Variants in USH2A observed in about 807,000 individuals in gnomAD.
The protein encoded by USH2A is Usher syndrome 2A (autosomal recessive, mild).
Under a neutral mutation model 538.9 loss-of-function variants are expected in USH2A, and 443 were observed. The observed-to-expected ratio is 0.82, with a 90% CI of 0.76 to 0.89. The LOEUF is 0.89. Among genes scored for constraint, USH2A ranks in the 40% least tolerant of loss-of-function variants. The pLI is 0.00. For missense variants in USH2A, 6,633 were observed against 6,324.8 expected, an observed-to-expected ratio of 1.05 and a Z score of -1.65; for synonymous variants, 2,413 against 2,273.5, an observed-to-expected ratio of 1.06 and a Z score of -1.75.
At chr1:216,018,882 C>A (rs1049161636) in intron 32 of USH2A, among the ~76,000 whole-genome samples, 73 of 151,840 alleles carry the variant, frequency 4.8e-4, no homozygotes, top group Non-Finnish European at 8.7e-4. Flanking sequence ...TGACCCATAT[C>A]TAATAGTGTT....
intron 3 of USH2A, among the ~76,000 whole-genome samples, chr1:216,365,977 T>C (rs1365126994): frequency 1.3e-5 from 2 of 152,198 alleles, no homozygotes; most frequent in African/African-American, 2.4e-5. Flanking sequence ...GCCAATGCTA[T>C]CAAACTTTTA....
At chr1:216,116,985 G>A (rs2033023199) in intron 21 of USH2A, among the ~76,000 whole-genome samples, 1 of 152,070 alleles carries the variant, frequency 6.6e-6, no homozygotes, top group African/African-American at 2.4e-5. Context: ...GTGCTCCTGA[G>A]GGAAGCTGAT....
chr1:215,635,691 G>A (rs1656459575), intron 69 of USH2A, among the ~76,000 whole-genome samples: 1 of 151,910 alleles, frequency 6.6e-6, no homozygotes, highest in South Asian at 2.1e-4. Flanking sequence ...AAGTAGCTGG[G>A]ATTACAGGTG....
intron 61 of USH2A, among the ~76,000 whole-genome samples, chr1:215,705,345 A>G (rs1659155232): frequency 6.6e-6 from 1 of 152,280 alleles, no homozygotes; most frequent in East Asian, 1.9e-4. Flanking sequence ...ATGCCAAATC[A>G]TAGTATGATT....
At chr1:215,665,033 C>T (rs573000555) in intron 64 of USH2A, among the ~76,000 whole-genome samples, 4 of 152,146 alleles carry the variant, frequency 2.6e-5, no homozygotes, top group African/African-American at 9.7e-5. Context: ...AGATGTTGGC[C>T]TTTCTCCCTC....
At chr1:216,203,827 T>A in intron 16 of USH2A, among the ~76,000 whole-genome samples, 1 of 152,174 alleles carries the variant, frequency 6.6e-6, no homozygotes, top group South Asian at 2.1e-4. Context: ...ATAGAAGTCA[T>A]TGTTACATGT....
chr1:215,675,700 C>T, intron 62 of USH2A, 84 bp from the exon 63 acceptor site: 1 of 1,606,040 alleles, frequency 6.2e-7, no homozygotes, highest in Middle Eastern at 1.8e-4. Flanking sequence ...AACCTTCACC[C>T]CCTTGTTCCT....
At chr1:216,251,224 G>C (rs1451437638) in intron 11 of USH2A, 126 bp from the exon 12 acceptor site, 1 of 953,584 alleles carries the variant, frequency 1.0e-6, no homozygotes. Context: ...AAGGTAATAA[G>C]ATATTTTTCC....
At chr1:216,000,715 G>T (rs1425949483) in intron 32 of USH2A, among the ~76,000 whole-genome samples, 153 bp from the exon 33 acceptor site, 1 of 152,028 alleles carries the variant, frequency 6.6e-6, no homozygotes, top group Non-Finnish European at 1.5e-5. Context: ...ATAACATATA[G>T]GATGCTTCAT....
intron 32 of USH2A, among the ~76,000 whole-genome samples, 177 bp downstream of exon 32, chr1:216,046,254 T>A (rs1444462431): frequency 6.6e-6 from 1 of 152,176 alleles, no homozygotes; most frequent in African/African-American, 2.4e-5. Flanking sequence ...TGTTATACTA[T>A]GTTTTTAGAA....
At chr1:216,300,718 A>C (rs367694465) in intron 9 of USH2A, among the ~76,000 whole-genome samples, 1 of 149,972 alleles carries the variant, frequency 6.7e-6, no homozygotes, top group East Asian at 2.0e-4. Context: ...ATTTTTATCA[A>C]CTCCACTCCT....
At chr1:215,693,092 A>G (rs150003875) in intron 61 of USH2A, among the ~76,000 whole-genome samples, 27,487 of 131,236 alleles carry the variant, frequency 0.21, 3,041 homozygotes, top group Non-Finnish European at 0.24. Context: ...ATATATATAT[A>G]TGTGTGTGTG....
chr1:215,652,984 G>A (rs1007977440), intron 64 of USH2A, among the ~76,000 whole-genome samples: 1 of 152,170 alleles, frequency 6.6e-6, no homozygotes, highest in Admixed American at 6.5e-5. Context: ...AATAGGAGAT[G>A]GAAGTAGTGC....
intron 30 of USH2A, among the ~76,000 whole-genome samples, chr1:216,056,796 G>A (rs1228094542): frequency 6.6e-6 from 1 of 150,810 alleles, no homozygotes; most frequent in East Asian, 1.9e-4. Context: ...GTGTGTGTGT[G>A]TGTGTGTGAG....
intron 44 of USH2A, among the ~76,000 whole-genome samples, chr1:215,857,435 G>A (rs1249545478): frequency 6.6e-6 from 1 of 152,132 alleles, no homozygotes; most frequent in Non-Finnish European, 1.5e-5. Context: ...CATTCAGACA[G>A]CCTGGGAAGC....
chr1:216,201,309 CTTTTT>C (rs527521817), intron 16 of USH2A, among the ~76,000 whole-genome samples: 1 of 133,678 alleles, frequency 7.5e-6, no homozygotes. Context: ...AGTCTTTTTT[CTTTTT>C]TTTTTTTTTT....
At chr1:216,162,463 C>T (rs1006323608) in intron 21 of USH2A, among the ~76,000 whole-genome samples, 8 of 152,012 alleles carry the variant, frequency 5.3e-5, no homozygotes, top group Admixed American at 3.9e-4. Flanking sequence ...TTGTCTGCCT[C>T]TATCGACTAT....
At chr1:215,817,488 T>G (rs963072698) in intron 47 of USH2A, among the ~76,000 whole-genome samples, 4 of 151,794 alleles carry the variant, frequency 2.6e-5, no homozygotes, top group Non-Finnish European at 5.9e-5. Context: ...AAGACATACA[T>G]GACTTGGTAA....
intron 30 of USH2A, among the ~76,000 whole-genome samples, chr1:216,053,759 G>A (rs927665211): frequency 6.6e-6 from 1 of 152,146 alleles, no homozygotes; most frequent in Non-Finnish European, 1.5e-5. Context: ...AATGCATTTT[G>A]CATTAATGCC....
Sources: gnomAD v4.1 joint callset for allele counts (sites outside exome capture counted in the v4.1 genomes callset) on GRCh38, gnomAD v4.1.1 for gene constraint, MANE v1.5 for transcripts, NCBI Gene and HGNC (gene_info 2026-07-23, HGNC 2026-07-21) for gene names.